PPP1R9A: variants seen among roughly 807,000 people sequenced by gnomAD.
PPP1R9A encodes the protein neurabin-1.
In PPP1R9A, 59 loss-of-function variants were observed where a neutral mutation model predicts 141.9. That is an observed-to-expected ratio of 0.42 (90% CI 0.34 to 0.52). PPP1R9A has a LOEUF of 0.52. PPP1R9A is among the 20% of genes least tolerant of loss of function. The probability of loss-of-function intolerance (pLI) is 0.10; values close to 1 mark genes in which losing one functional copy is unlikely to be tolerated. For synonymous variants in PPP1R9A, 500 were observed against 569.7 expected, an observed-to-expected ratio of 0.88 and a Z score of 1.74; for missense variants, 1,444 against 1,611.9, an observed-to-expected ratio of 0.90 and a Z score of 1.78.
chr7:94,956,383 T>G (rs776516035), intron 2 of PPP1R9A, among the ~76,000 whole-genome samples: 2 of 152,170 alleles, frequency 1.3e-5, no homozygotes, highest in Admixed American at 1.3e-4. Context: ...AAAGGTTGAT[T>G]TCTTAACTTT....
intron 5 of PPP1R9A, among the ~76,000 whole-genome samples, chr7:95,193,476 GC>G (rs1835807514): frequency 6.6e-6 from 1 of 151,964 alleles, no homozygotes; most frequent in Admixed American, 6.6e-5. Context: ...GAGCAACTGT[GC>G]CTTCATGATT....
intron 2 of PPP1R9A, among the ~76,000 whole-genome samples, chr7:95,106,304 G>A (rs1365008246): frequency 2.0e-5 from 3 of 152,182 alleles, no homozygotes; most frequent in African/African-American, 7.2e-5. Flanking sequence ...TAAGGAGACT[G>A]CGCCTTAGCA....
chr7:95,189,963 C>G (rs1453775833), intron 5 of PPP1R9A, among the ~76,000 whole-genome samples: 1 of 151,712 alleles, frequency 6.6e-6, no homozygotes, highest in Non-Finnish European at 1.5e-5. Context: ...GTATTTTTTC[C>G]TTAATTTCTT....
intron 5 of PPP1R9A, among the ~76,000 whole-genome samples, chr7:95,179,549 G>T (rs1833406561): frequency 6.6e-6 from 1 of 151,816 alleles, no homozygotes; most frequent in Admixed American, 6.6e-5. Context: ...GAAATAAAGG[G>T]CATCCAAATC....
chr7:95,106,326 C>T (rs1470761838), intron 2 of PPP1R9A, among the ~76,000 whole-genome samples: 1 of 152,120 alleles, frequency 6.6e-6, no homozygotes, highest in Admixed American at 6.6e-5. Flanking sequence ...GGTTTTACAA[C>T]TTGGCAAGTG....
At chr7:95,006,919 AT>A (rs1483459468) in intron 2 of PPP1R9A, among the ~76,000 whole-genome samples, 1 of 151,396 alleles carries the variant, frequency 6.6e-6, no homozygotes, top group Non-Finnish European at 1.5e-5. Flanking sequence ...CTGGAGTGCA[AT>A]GCTGCGATCT....
At chr7:94,918,903 G>A (rs1189720976) in intron 2 of PPP1R9A, among the ~76,000 whole-genome samples, 2 of 152,096 alleles carry the variant, frequency 1.3e-5, no homozygotes, top group African/African-American at 4.8e-5. Flanking sequence ...GCATGATGTG[G>A]GAGCAACAAA....
At chr7:95,082,213 G>T (rs886710392) in intron 2 of PPP1R9A, among the ~76,000 whole-genome samples, 1 of 152,146 alleles carries the variant, frequency 6.6e-6, no homozygotes, top group Non-Finnish European at 1.5e-5. Flanking sequence ...GAAAAATAGG[G>T]CTAACCAAAA....
At chr7:95,222,067 C>G (rs1390229633) in intron 7 of PPP1R9A, among the ~76,000 whole-genome samples, 1 of 152,040 alleles carries the variant, frequency 6.6e-6, no homozygotes, top group Non-Finnish European at 1.5e-5. Flanking sequence ...ATTCTATATT[C>G]TTGTCCAGGG....
At chr7:95,232,242 G>A (rs2152967025) in intron 8 of PPP1R9A, among the ~76,000 whole-genome samples, 1 of 152,002 alleles carries the variant, frequency 6.6e-6, no homozygotes, top group East Asian at 1.9e-4. Flanking sequence ...GATTGAAATG[G>A]TAATTAAAAA....
intron 2 of PPP1R9A, among the ~76,000 whole-genome samples, chr7:95,024,915 C>T (rs1037989898): frequency 2.6e-5 from 4 of 152,060 alleles, no homozygotes; most frequent in Admixed American, 6.6e-5. Flanking sequence ...TGGCTCGTAT[C>T]GATTATTCCT....
chr7:95,188,732 G>T (rs1396156124), intron 5 of PPP1R9A, among the ~76,000 whole-genome samples: 1 of 151,738 alleles, frequency 6.6e-6, no homozygotes, highest in Admixed American at 6.6e-5. Context: ...CTGAGTAGCT[G>T]GGATTACAGG....
chr7:94,966,148 G>T (rs940650881), intron 2 of PPP1R9A, among the ~76,000 whole-genome samples: 1 of 152,130 alleles, frequency 6.6e-6, no homozygotes, highest in African/African-American at 2.4e-5. Flanking sequence ...AGGAATGCTT[G>T]TGATTTTTGC....
At chr7:95,040,500 G>T (rs1204053297) in intron 2 of PPP1R9A, among the ~76,000 whole-genome samples, 3 of 151,816 alleles carry the variant, frequency 2.0e-5, no homozygotes, top group African/African-American at 7.3e-5. Context: ...AATAATACAG[G>T]ATATTATTTT....
intron 5 of PPP1R9A, among the ~76,000 whole-genome samples, chr7:95,185,513 G>T (rs1250476634): frequency 6.6e-6 from 1 of 152,032 alleles, no homozygotes; most frequent in Non-Finnish European, 1.5e-5. Context: ...TCTTTGCTGT[G>T]CAGAAGCTTT....
chr7:94,968,904 G>C (rs1207751115), intron 2 of PPP1R9A, among the ~76,000 whole-genome samples: 1 of 151,558 alleles, frequency 6.6e-6, no homozygotes, highest in Admixed American at 6.6e-5. Flanking sequence ...CTTCAATCTT[G>C]GATACGCTTT....
intron 2 of PPP1R9A, among the ~76,000 whole-genome samples, chr7:95,085,581 A>G (rs1816508780): frequency 6.6e-6 from 1 of 151,496 alleles, no homozygotes. Context: ...TGCCTGGCTA[A>G]TTTTTGTATT....
Position 95,083,785 on chromosome 7 carries a change from A to T in PPP1R9A, c.1396-27474A>T, listed in dbSNP as rs183071628. ...TTGGGTTCCAAAAAGTAGATGAGGG[A>T]TGAAAAAATATTTGAAGAAATAATG... On this transcript the variant is annotated intron_variant, in intron 2 of 19. Transcript: ENST00000433360. 1.2e-4 allele frequency among the ~76,000 whole-genome samples: 18 copies of T among 152,148 alleles called. No individual in the cohort carries two copies. The East Asian group carries it at 3.5e-3, about 29-fold the overall frequency.
At chr7:95,165,625 G>GT (rs1446753141) in intron 5 of PPP1R9A, among the ~76,000 whole-genome samples, 3 of 152,194 alleles carry the variant, frequency 2.0e-5, no homozygotes, top group African/African-American at 7.2e-5. Flanking sequence ...GGGGTAATTT[G>GT]TATCAGCAGC....
Sources: gnomAD v4.1 joint callset for allele counts (sites outside exome capture counted in the v4.1 genomes callset) on GRCh38, gnomAD v4.1.1 for gene constraint, MANE v1.5 for transcripts, NCBI Gene and HGNC (gene_info 2026-07-23, HGNC 2026-07-21) for gene names.